The following ALDOC variants were observed in gnomAD, a reference collection of about 807,000 sequenced individuals.
ALDOC encodes the protein aldolase, fructose-bisphosphate C, also known as fructose-bisphosphate aldolase C.
ALDOC carries 23 observed loss-of-function variants against 39.5 expected under a neutral mutation model. That is an observed-to-expected ratio of 0.58 (90% confidence interval 0.42 to 0.82). ALDOC has a LOEUF of 0.82. ALDOC is among the 40% of genes least tolerant of loss of function. The pLI is 0.00. For synonymous variants in ALDOC, 160 were observed against 182.6 expected, an observed-to-expected ratio of 0.88 and a Z score of 1.00; for missense variants, 356 against 479.1, an observed-to-expected ratio of 0.74 and a Z score of 2.40.
rs375421129 is a variant in ALDOC, at chr17:28,575,120, C to T, written c.324+3G>A. 4.2e-4 allele frequency: 685 copies of T among 1,614,086 alleles called. No individual in the cohort carries two copies. Among genetic ancestry groups the T allele is most frequent in the Non-Finnish European group, 5.6e-4 (661 of 1,180,042 alleles). On this transcript the variant is annotated splice_donor_region_variant and intron_variant, in intron 3 of 8. Coordinates refer to ENST00000226253, the MANE Select transcript of ALDOC (RefSeq NM_005165.3). This position sits in a 1 kb window ranked among gnomAD's most constrained non-coding sequence, Gnocchi z 4.3. ...CCATTCAGAGCAGGGCCAGGGGCTG[C>T]ACCTTGATGCCCACGACGATGCCCT...
chr17:28,575,142 C>T lies in ALDOC; in HGVS notation c.305G>A (p.Gly102Asp). The T allele has an allele frequency of 3.1e-6, 5 of 1,614,190 alleles. No individual in the cohort carries two copies. Among genetic ancestry groups the T allele is most frequent in the Non-Finnish European group, 4.2e-6 (5 of 1,180,046 alleles). Reference sequence around the variant, plus strand: ...CTGCACCTTGATGCCCACGACGATGCCCTTATCCTGGATGGTTCGGACGAA... The same window carrying T: ...CTGCACCTTGATGCCCACGACGATGTCCTTATCCTGGATGGTTCGGACGAA... ...VPFVRTIQDK[G>D]IVVGIKVDKG... The change falls in exon 3 of 9, where the codon GGC becomes GAC. Residue 102 changes from glycine to aspartate, a missense_variant. Gly to Asp is a moderately conservative substitution (Grantham distance 94). Coordinates refer to ENST00000226253, the MANE Select transcript of ALDOC (RefSeq NM_005165.3). This position sits in a 1 kb window ranked among gnomAD's most constrained non-coding sequence, Gnocchi z 4.3.
Position 28,574,872 on chromosome 17 carries a change from C to T in ALDOC, c.380-16G>A. 6.2e-7 allele frequency: 1 copy of T among 1,614,196 alleles called. No individual in the cohort carries two copies. The highest frequency in any genetic ancestry group is 2.2e-5 in the East Asian group (1 of 44,886). ...CCATCCAGCCCTGCAAGCACAGTGCCAACCTCATTACTCTGCCCCTCTTTT... is the reference window on the plus strand; with the variant it reads ...CCATCCAGCCCTGCAAGCACAGTGCTAACCTCATTACTCTGCCCCTCTTTT... On this transcript the variant is annotated splice_polypyrimidine_tract_variant and intron_variant, in intron 4 of 8. Transcript: ENST00000226253.
chr17:28,574,281 C>T (rs749512701), intron 6 of ALDOC, 40 bp from the exon 7 acceptor site: 1 of 1,561,046 alleles, frequency 6.4e-7, no homozygotes, highest in East Asian at 2.2e-5. Flanking sequence ...GGGTCTGGGC[C>T]CCCACTGGTT....
Position 28,573,467 on chromosome 17 carries a change from A to T in ALDOC, c.*59T>A. 2 of 1,535,010 alleles carry T rather than the reference A, an allele frequency of 1.3e-6. No homozygotes were observed. Among genetic ancestry groups the T allele is most frequent in the Admixed American group, 3.3e-5 (2 of 59,928 alleles). The stretch of plus-strand genomic sequence containing the variant: ...GCATAGCTATTTGGCCCTGGCCATG[A>T]CTACAAGCAAAAGTGGGTGCAGATG... On this transcript the variant is annotated 3_prime_UTR_variant, in exon 9 of 9. Coordinates refer to ENST00000226253, the MANE Select transcript of ALDOC (RefSeq NM_005165.3). The surrounding 1 kb of genome is among the most constrained non-coding windows in gnomAD (Gnocchi z 4.3).
intron 6 of ALDOC, 73 bp downstream of exon 6, chr17:28,574,420 TG>T: frequency 6.5e-7 from 1 of 1,528,794 alleles, no homozygotes; most frequent in Non-Finnish European, 9.1e-7. Flanking sequence ...GGATCTAAGC[TG>T]GGGGTTCTGG....
chr17:28,574,552 G>A lies in ALDOC; in HGVS notation c.566C>T (p.Pro189Leu). ...GTGGTCTCCATCAGGCAATATTTCA[G>A]GTTCCACAATAGGCACAATGCCATT... is the stretch of plus-strand genomic sequence containing the variant. ...QQNGIVPIVE[P>L]EILPDGDHDL... Residue 189 changes from proline to leucine, a missense_variant, in exon 6 of 9, where the codon CCT (proline) becomes CTT (leucine). Pro to Leu is a moderately conservative substitution (Grantham distance 98). Transcript: ENST00000226253. 2 of 1,614,140 alleles carry A rather than the reference G, an allele frequency of 1.2e-6. No homozygotes were observed. The highest frequency in any genetic ancestry group is 1.7e-5 in the Admixed American group (1 of 60,022).
Position 28,575,371 on chromosome 17 carries a change from C to G in ALDOC, c.113-37G>C, listed in dbSNP as rs749927935. 1.2e-6 allele frequency: 2 copies of G among 1,614,206 alleles called. No homozygotes were observed. The highest frequency in any genetic ancestry group is 1.6e-4 in the Middle Eastern group (1 of 6,062). On this transcript the variant is annotated intron_variant, in intron 2 of 8. Transcript: ENST00000226253. This position sits in a 1 kb window ranked among gnomAD's most constrained non-coding sequence, Gnocchi z 4.3. Reference sequence around the variant, plus strand: ...CAAAGAGAGGCAGTGAGAACATCCCCAGGGTCCCCTAGCCACCTGTACCCT... The same window carrying G: ...CAAAGAGAGGCAGTGAGAACATCCCGAGGGTCCCCTAGCCACCTGTACCCT...
In ALDOC at chr17:28,574,246, G is replaced by A; in HGVS notation, c.625-5C>T. On this transcript the variant is annotated splice_polypyrimidine_tract_variant and splice_region_variant and intron_variant, in intron 6 of 8. Coordinates refer to ENST00000226253, the MANE Select transcript of ALDOC (RefSeq NM_005165.3). Reference sequence around the variant, plus strand: ...CTTGTACACAGCAGCCAAGACCTGGGTGGGGATTAGAGGAGGTTTACTAAG... The same window carrying A: ...CTTGTACACAGCAGCCAAGACCTGGATGGGGATTAGAGGAGGTTTACTAAG... 6.3e-7 allele frequency: 1 copy of A among 1,580,304 alleles called. No homozygotes were observed. Among genetic ancestry groups the A allele is most frequent in the Non-Finnish European group, 8.6e-7 (1 of 1,164,156 alleles).
rs1041281888 is a variant in ALDOC, at chr17:28,573,638, G to T, written c.1000-17C>A. The T allele has an allele frequency of 1.2e-6, 2 of 1,614,008 alleles. No homozygotes were observed. The highest frequency in any genetic ancestry group is 1.7e-6 in the Non-Finnish European group (2 of 1,179,968). On this transcript the variant is annotated splice_polypyrimidine_tract_variant and intron_variant, in intron 8 of 8. Transcript: ENST00000226253. The surrounding 1 kb of genome is among the most constrained non-coding windows in gnomAD (Gnocchi z 4.3). ...CCCATTCACCTGCAAAAGGGAGCGT[G>T]GAGTAAGCAGGCTGAGCCAGCCCAC...
At position 28,575,434 on chromosome 17, in the gene ALDOC, C is replaced by T. The variant is rs765552233; in HGVS notation, c.99G>A (p.Ala33=). The T allele has an allele frequency of 2.3e-5, 37 of 1,614,082 alleles. No homozygotes were observed. The highest frequency in any genetic ancestry group is 1.9e-4 in the African/African-American group (14 of 74,932). ...ATGTCCACTTACCTACAGACTCATC[C>T]GCAGCCAGAATGCCTTTGCCCGGGG... ...IVAPGKGILA[A]DESVGSMAKR... Residue 33 remains alanine, a synonymous_variant, in exon 2 of 9, where the codon GCG becomes GCA. Coordinates refer to ENST00000226253, the MANE Select transcript of ALDOC (RefSeq NM_005165.3). The surrounding 1 kb of genome is among the most constrained non-coding windows in gnomAD (Gnocchi z 4.3).
At chr17:28,576,701 G>GCA (rs1287617965) in intron 1 of ALDOC, 100 bp downstream of exon 1, 1 of 748,936 alleles carries the variant, frequency 1.3e-6, no homozygotes, top group Non-Finnish European at 1.6e-6. Context: ...GGTCGAAAGG[G>GCA]CACATCCCGG....
rs1182528646 is a variant in ALDOC at position 28,576,888 on chromosome 17, T to C, written c.-100A>G. 2 of 985,514 alleles carry C rather than the reference T, an allele frequency of 2.0e-6. No individual in the cohort carries two copies. Among genetic ancestry groups the C allele is most frequent in the East Asian group, 2.3e-4 (2 of 8,788 alleles). The allele number at this position is 985,514 out of a possible 1,614,324, so 61.0% of individuals were successfully genotyped here. A position where few individuals can be genotyped will look rare whatever the true frequency, so the allele number is the denominator to read the frequency against. ...ATGAGGCTGCAGCCCTGGCTCCCTC[T>C]GGTAAATGAGGCTGCGGATGTCGCA... On this transcript the variant is annotated 5_prime_UTR_variant, in exon 1 of 9. Coordinates refer to ENST00000226253, the MANE Select transcript of ALDOC (RefSeq NM_005165.3).
chr17:28,573,488 A>G lies in ALDOC; in HGVS notation c.*38T>C, dbSNP rs746010687. On this transcript the variant is annotated 3_prime_UTR_variant, in exon 9 of 9. Coordinates refer to ENST00000226253, the MANE Select transcript of ALDOC (RefSeq NM_005165.3). This position sits in a 1 kb window ranked among gnomAD's most constrained non-coding sequence, Gnocchi z 4.3. ...CATGACTACAAGCAAAAGTGGGTGC[A>G]GATGGCTGGGCCAAGGGCTGTGGTA... 2 of 1,598,328 alleles carry G rather than the reference A, an allele frequency of 1.3e-6. No individual in the cohort carries two copies. Among genetic ancestry groups the G allele is most frequent in the Non-Finnish European group, 8.6e-7 (1 of 1,165,736 alleles).
Position 28,575,157 on chromosome 17 carries a change from G to T in ALDOC, c.290C>A (p.Thr97Asn). The T allele has an allele frequency of 6.2e-7, 1 of 1,614,196 alleles. No individual in the cohort carries two copies. Among genetic ancestry groups the T allele is most frequent in the Non-Finnish European group, 8.5e-7 (1 of 1,180,046 alleles). Reference protein sequence around the residue: ...KDDNGVPFVRTIQDKGIVVGI... With the variant: ...KDDNGVPFVRNIQDKGIVVGI... The stretch of plus-strand genomic sequence containing the variant: ...CACGACGATGCCCTTATCCTGGATG[G>T]TTCGGACGAAGGGAACACCATTATC... Residue 97 changes from threonine (T) to asparagine (N), a missense_variant, in exon 3 of 9, where the codon ACC (threonine) becomes AAC (asparagine). Coordinates refer to ENST00000226253, the MANE Select transcript of ALDOC (RefSeq NM_005165.3). The surrounding 1 kb of genome is among the most constrained non-coding windows in gnomAD (Gnocchi z 4.3).
rs1320844064 is a variant in ALDOC, at chr17:28,573,669, C to T, written c.1000-48G>A. 6 of 1,613,626 alleles carry T rather than the reference C, an allele frequency of 3.7e-6. No homozygotes were observed. The highest frequency in any genetic ancestry group is 4.2e-6 in the Non-Finnish European group (5 of 1,179,758). ...AGCAGGCTGAGCCAGCCCACAGGTG[C>T]CAAGCCCTGCCCAGGCTATAGCCTC... is the stretch of plus-strand genomic sequence containing the variant. On this transcript the variant is annotated intron_variant, in intron 8 of 8. Transcript: ENST00000226253. The surrounding 1 kb of genome is among the most constrained non-coding windows in gnomAD (Gnocchi z 4.3).
chr17:28,575,226 A>G lies in ALDOC; in HGVS notation c.221T>C (p.Ile74Thr), dbSNP rs562253974. The change falls in exon 3 of 9, where the codon ATT (isoleucine) becomes ACT (threonine). Residue 74 changes from isoleucine (I) to threonine (T), a missense_variant. Physicochemically the swap from Ile to Thr is moderately conservative, Grantham distance 89. Coordinates refer to ENST00000226253, the MANE Select transcript of ALDOC (RefSeq NM_005165.3). The surrounding 1 kb of genome is among the most constrained non-coding windows in gnomAD (Gnocchi z 4.3). ...FSADDRVKKCIGGVIFFHETL... is the reference protein window; with the variant it reads ...FSADDRVKKCTGGVIFFHETL... Reference sequence around the variant, plus strand: ...CTCATGGAAGAAAATGACGCCTCCAATGCACTTTTTCACACGGTCATCAGC... The same window carrying G: ...CTCATGGAAGAAAATGACGCCTCCAGTGCACTTTTTCACACGGTCATCAGC... The G allele has an allele frequency of 1.1e-5, 18 of 1,614,118 alleles. No individual in the cohort carries two copies. In the East Asian group the frequency reaches 1.3e-4, roughly 12 times the overall value.
rs2151516386 is a variant in ALDOC at position 28,573,987 on chromosome 17, A to AT, written c.800-54dup. 1.2e-6 allele frequency: 2 copies of AT among 1,611,472 alleles called. No homozygotes were observed. Among genetic ancestry groups the AT allele is most frequent in the Non-Finnish European group, 1.7e-6 (2 of 1,178,270 alleles). On this transcript the variant is annotated intron_variant, in intron 7 of 8. Transcript: ENST00000226253. The surrounding 1 kb of genome is among the most constrained non-coding windows in gnomAD (Gnocchi z 4.3). Reference sequence around the variant, plus strand: ...ACTGGTCACTCCCAATTTTTCCAGGATAGGGAACCCCTGAAGGCCACAAGA... The same window carrying AT: ...ACTGGTCACTCCCAATTTTTCCAGGATTAGGGAACCCCTGAAGGCCACAAGA...
intron 1 of ALDOC, chr17:28,576,291 G>C (rs949664319): frequency 2.0e-5 from 3 of 152,682 alleles, no homozygotes; most frequent in South Asian, 4.1e-4. Flanking sequence ...TGTTTGGCAG[G>C]AGGATAGCAA....
In ALDOC at chr17:28,575,855, C is replaced by A; in HGVS notation, c.-12-311G>T. 1 of 662,568 alleles carries A rather than the reference C, an allele frequency of 1.5e-6. No homozygotes were observed. Among genetic ancestry groups the A allele is most frequent in the Non-Finnish European group, 2.1e-6 (1 of 478,194 alleles). The allele number at this position is 662,568 out of a possible 1,614,324, so 41.0% of individuals were successfully genotyped here. A position where few individuals can be genotyped will look rare whatever the true frequency, so the allele number is the denominator to read the frequency against. ...AAATCTGCTGCCCAATCAAGGATGC[C>A]AACCCTTCTTTCACTGAACTTGGTC... On this transcript the variant is annotated intron_variant, in intron 1 of 8. Transcript: ENST00000226253. This position sits in a 1 kb window ranked among gnomAD's most constrained non-coding sequence, Gnocchi z 4.3.
Sources: gnomAD v4.1 joint callset for allele counts on GRCh38, gnomAD v4.1.1 for gene constraint, Gnocchi (gnomAD v3.1) non-coding constraint, MANE v1.5 for transcripts, NCBI Gene and HGNC (gene_info 2026-07-23, HGNC 2026-07-21) for gene names.